Variants in RALYL observed in about 807,000 individuals in gnomAD.
RALYL encodes RNA-binding Raly-like protein.
Under a neutral mutation model 35.1 loss-of-function variants are expected in RALYL, and 29 were observed. The ratio of observed to expected loss-of-function variants is 0.83; its 90% confidence interval spans 0.61 to 1.13. RALYL has a LOEUF of 1.13. Ranked by LOEUF, RALYL falls within the 50% of genes most tolerant of loss-of-function variation. The pLI, the probability that RALYL is intolerant of heterozygous loss-of-function variation, is 0.00. For missense variants in RALYL, 359 were observed against 360.4 expected, an observed-to-expected ratio of 1.00 and a Z score of 0.03; for synonymous variants, 120 against 127.6, an observed-to-expected ratio of 0.94 and a Z score of 0.40.
intron 1 of RALYL, among the ~76,000 whole-genome samples, chr8:84,466,549 ATTTTATTGAGGATT>A (rs1232239176): frequency 2.0e-5 from 3 of 151,496 alleles, no homozygotes; most frequent in African/African-American, 7.3e-5. Flanking sequence ...TTTTGCCAGT[ATTTTATTGAGGATT>A]TTTGCATCAA....
intron 1 of RALYL, among the ~76,000 whole-genome samples, chr8:84,281,653 C>T (rs1314762739): frequency 1.3e-5 from 2 of 152,078 alleles, no homozygotes; most frequent in African/African-American, 4.8e-5. Context: ...CCAAACTTTT[C>T]TTTTTCCTTC....
rs1029106392 is a variant in RALYL, at chr8:84,811,546, T to A, written c.365+6744T>A. On this transcript the variant is annotated intron_variant, in intron 4 of 8. Coordinates refer to ENST00000521268, the MANE Select transcript of RALYL (RefSeq NM_173848.7). The stretch of plus-strand genomic sequence containing the variant: ...CCAGGTGTTCTTTGTGCTTCTTGTA[T>A]TTAGATGTCTAGTTCTCTAGCAAGG... Among the ~76,000 whole-genome samples, 7 of 152,176 alleles carry A rather than the reference T, an allele frequency of 4.6e-5. 1 individual carries two copies. Among genetic ancestry groups the A allele is most frequent in the Non-Finnish European group, 1.0e-4 (7 of 68,012 alleles).
intron 2 of RALYL, among the ~76,000 whole-genome samples, chr8:84,690,569 T>C (rs574778481): frequency 6.6e-6 from 1 of 152,130 alleles, no homozygotes; most frequent in Non-Finnish European, 1.5e-5. Flanking sequence ...CATTTCTTAA[T>C]TTGTATGTAT....
In RALYL at chr8:84,721,314, T is replaced by C. The variant is rs559426155; in HGVS notation, c.257-53265T>C. 2.6e-5 allele frequency among the ~76,000 whole-genome samples: 4 copies of C among 152,288 alleles called. No homozygotes were observed. In the South Asian group the frequency reaches 8.3e-4, roughly 32 times the overall value. Reference sequence around the variant, plus strand: ...TATACCCAAAAGAAATGAAATCATATGTCCAGAGATATCTGTATTCCTATG... The same window carrying C: ...TATACCCAAAAGAAATGAAATCATACGTCCAGAGATATCTGTATTCCTATG... On this transcript the variant is annotated intron_variant, in intron 2 of 8. Coordinates refer to ENST00000521268, the MANE Select transcript of RALYL (RefSeq NM_173848.7).
chr8:84,368,517 G>A (rs1363880523), intron 1 of RALYL, among the ~76,000 whole-genome samples: 3 of 152,072 alleles, frequency 2.0e-5, no homozygotes, highest in Non-Finnish European at 4.4e-5. Flanking sequence ...CCTGAGACTG[G>A]CCAATTTACA....
At chr8:84,394,958 C>T (rs1861469898) in intron 1 of RALYL, among the ~76,000 whole-genome samples, 1 of 151,714 alleles carries the variant, frequency 6.6e-6, no homozygotes, top group African/African-American at 2.4e-5. Flanking sequence ...TAATATTAAA[C>T]ACAAAATATA....
chr8:84,853,965 A>T (rs1030325775), intron 5 of RALYL, among the ~76,000 whole-genome samples: 7 of 152,256 alleles, frequency 4.6e-5, no homozygotes, highest in Admixed American at 2.0e-4. Context: ...TCTAAGAATT[A>T]AATGAGGTAA....
At chr8:84,396,064 A>G (rs1861689064) in intron 1 of RALYL, among the ~76,000 whole-genome samples, 1 of 152,026 alleles carries the variant, frequency 6.6e-6, no homozygotes, top group South Asian at 2.1e-4. Flanking sequence ...TTTATCAATT[A>G]AAATATTTCT....
intron 1 of RALYL, among the ~76,000 whole-genome samples, chr8:84,269,158 A>G (rs1833851420): frequency 6.6e-6 from 1 of 152,158 alleles, no homozygotes; most frequent in Non-Finnish European, 1.5e-5. Flanking sequence ...AATACCTCTT[A>G]TTTTACACTA....
Position 84,184,203 on chromosome 8 carries a change from C to T in RALYL, c.-245C>T, listed in dbSNP as rs1006071487. 6.6e-6 allele frequency: 1 copy of T among 151,938 alleles called. No homozygotes were observed. Among genetic ancestry groups the T allele is most frequent in the Admixed American group, 6.6e-5 (1 of 15,252 alleles). 9.4% of individuals were successfully genotyped at this position (151,938 alleles called of 1,614,324 possible). On this transcript the variant is annotated 5_prime_UTR_variant, in exon 1 of 9. Coordinates refer to ENST00000521268, the MANE Select transcript of RALYL (RefSeq NM_173848.7). Reference sequence around the variant, plus strand: ...TTTTCCTCCTTTAAATTAACTATGACTTTTGCACATTTGACTTTTTTAAAA... The same window carrying T: ...TTTTCCTCCTTTAAATTAACTATGATTTTTGCACATTTGACTTTTTTAAAA...
At chr8:84,209,695 C>T (rs1398435367) in intron 1 of RALYL, among the ~76,000 whole-genome samples, 1 of 152,042 alleles carries the variant, frequency 6.6e-6, no homozygotes, top group East Asian at 1.9e-4. Flanking sequence ...GTTAGAAGTC[C>T]CTCAGTTTGT....
Position 84,557,750 on chromosome 8 carries a change from A to G in RALYL, c.256+28173A>G, listed in dbSNP as rs2061227354. ...CTATTTACTATAGAAAATTGTTGCT[A>G]TGATTTCCTGGCCTAATGAGAAAAA... On this transcript the variant is annotated intron_variant, in intron 2 of 8. Coordinates refer to ENST00000521268, the MANE Select transcript of RALYL (RefSeq NM_173848.7). Among the ~76,000 whole-genome samples, 2 of 152,090 alleles carry G rather than the reference A, an allele frequency of 1.3e-5. 1 individual carries two copies. Among genetic ancestry groups the G allele is most frequent in the South Asian group, 4.1e-4 (2 of 4,834 alleles).
At chr8:84,729,770 A>T (rs1012659988) in intron 2 of RALYL, among the ~76,000 whole-genome samples, 2 of 152,120 alleles carry the variant, frequency 1.3e-5, no homozygotes, top group Admixed American at 6.6e-5. Flanking sequence ...ACGCAAATAA[A>T]CTAGAAAATC....
intron 1 of RALYL, among the ~76,000 whole-genome samples, chr8:84,523,514 T>G (rs889279839): frequency 6.6e-6 from 1 of 152,056 alleles, no homozygotes. Flanking sequence ...TTTTTTTATT[T>G]TTTTATTTTT....
chr8:84,434,018 C>G (rs894733911), intron 1 of RALYL, among the ~76,000 whole-genome samples: 10 of 151,998 alleles, frequency 6.6e-5, no homozygotes, highest in Non-Finnish European at 2.9e-5. Flanking sequence ...GCTGCCATAA[C>G]AAAGTACTAC....
intron 2 of RALYL, among the ~76,000 whole-genome samples, chr8:84,753,580 G>C (rs67135531): frequency 0.27 from 40,924 of 152,044 alleles, 5,905 homozygotes; most frequent in African/African-American, 0.35. Flanking sequence ...GGATCATGGG[G>C]ATGGCAGATT....
chr8:84,234,486 A>G (rs1332129600), intron 1 of RALYL, among the ~76,000 whole-genome samples: 1 of 152,184 alleles, frequency 6.6e-6, no homozygotes, highest in East Asian at 1.9e-4. Flanking sequence ...TAAGTACTTG[A>G]TCTTTAATGT....
Position 84,837,640 on chromosome 8 carries a change from C to T in RALYL, c.366-12340C>T, listed in dbSNP as rs113030935. Among the ~76,000 whole-genome samples, 408 of 152,128 alleles carry T rather than the reference C, an allele frequency of 2.7e-3. 1 individual carries two copies. The highest frequency in any genetic ancestry group is 9.6e-3 in the African/African-American group (398 of 41,520). On this transcript the variant is annotated intron_variant, in intron 4 of 8. Transcript: ENST00000521268. The stretch of plus-strand genomic sequence containing the variant: ...GAAATTTCAGGAAAGTTACTTGGTC[C>T]TCATTTAATCTTCAGTAATAAAAGA...
At chr8:84,472,441 ATT>A (rs1454994482) in intron 1 of RALYL, among the ~76,000 whole-genome samples, 1 of 152,318 alleles carries the variant, frequency 6.6e-6, no homozygotes, top group East Asian at 1.9e-4. Context: ...AAATGATAGG[ATT>A]TGGACACGCA....
Sources: allele counts gnomAD v4.1 joint callset (sites outside exome capture counted in the v4.1 genomes callset), GRCh38; gene constraint gnomAD v4.1.1; transcripts MANE v1.5; gene names NCBI Gene and HGNC (gene_info 2026-07-23, HGNC 2026-07-21).